EYS: variants seen among roughly 807,000 people sequenced by gnomAD.
EYS encodes the protein EGF-like photoreceptor maintenance factor, also known as protein eyes shut homolog.
Under a neutral mutation model 282.1 loss-of-function variants are expected in EYS, and 250 were observed. The ratio of observed to expected loss-of-function variants is 0.89; its 90% confidence interval spans 0.80 to 0.98. The LOEUF (loss-of-function observed/expected upper bound fraction) is 0.98. EYS is among the 50% of genes least tolerant of loss of function. The probability of loss-of-function intolerance (pLI) is 0.00; values close to 1 mark genes in which losing one functional copy is unlikely to be tolerated. For synonymous variants in EYS, 1,355 were observed against 1,282.9 expected, an observed-to-expected ratio of 1.06 and a Z score of -1.20; for missense variants, 4,016 against 3,709.0, an observed-to-expected ratio of 1.08 and a Z score of -2.15.
chr6:65,009,907 G>T (rs1174628601), intron 13 of EYS, among the ~76,000 whole-genome samples: 1 of 152,186 alleles, frequency 6.6e-6, no homozygotes, highest in East Asian at 1.9e-4. Context: ...CAACTAAGAG[G>T]TTCCTTGGCA....
At chr6:64,112,574 A>G (rs1234786069) in intron 31 of EYS, among the ~76,000 whole-genome samples, 2 of 151,794 alleles carry the variant, frequency 1.3e-5, no homozygotes, top group African/African-American at 4.8e-5. Context: ...CCTAACCACA[A>G]CATTATACAT....
intron 31 of EYS, among the ~76,000 whole-genome samples, chr6:64,102,091 C>T (rs1772849474): frequency 6.6e-6 from 1 of 152,130 alleles, no homozygotes; most frequent in African/African-American, 2.4e-5. Flanking sequence ...CCGCCGGTTC[C>T]TAACACTCCA....
At chr6:65,370,870 C>T (rs545484799) in intron 8 of EYS, among the ~76,000 whole-genome samples, 10 of 151,980 alleles carry the variant, frequency 6.6e-5, no homozygotes, top group African/African-American at 2.4e-4. Flanking sequence ...AAGTTAGTAC[C>T]ATATAAAGAA....
chr6:65,309,117 A>G (rs1221041559), intron 11 of EYS, among the ~76,000 whole-genome samples: 1 of 152,230 alleles, frequency 6.6e-6, no homozygotes, highest in Non-Finnish European at 1.5e-5. Context: ...TTCAACTGGT[A>G]ATCAAATACA....
intron 30 of EYS, among the ~76,000 whole-genome samples, chr6:64,298,855 C>T (rs1769130942): frequency 6.6e-6 from 1 of 152,090 alleles, no homozygotes; most frequent in South Asian, 2.1e-4. Context: ...ATATTATATG[C>T]AAATAGTAAC....
At chr6:64,857,535 T>G (rs1357948660) in intron 19 of EYS, among the ~76,000 whole-genome samples, 1 of 152,204 alleles carries the variant, frequency 6.6e-6, no homozygotes, top group African/African-American at 2.4e-5. Context: ...GAGTCCATAT[T>G]TTGTCTATCA....
chr6:64,296,583 TACATATATA>T (rs1769021759), intron 30 of EYS, among the ~76,000 whole-genome samples: 4 of 7,742 alleles, frequency 5.2e-4, no homozygotes, highest in African/African-American at 1.6e-3. Context: ...TATATATATA[TACATATATA>T]TATATATTTT....
intron 22 of EYS, among the ~76,000 whole-genome samples, chr6:64,663,177 C>A (rs1044940705): frequency 6.6e-6 from 1 of 151,986 alleles, no homozygotes; most frequent in African/African-American, 2.4e-5. Flanking sequence ...AACAATTTTG[C>A]TAAAAATTCA....
In EYS at chr6:64,852,458, T is replaced by A. The variant is rs1371850004; in HGVS notation, c.2993-29636A>T. Among the ~76,000 whole-genome samples, 6 of 152,274 alleles carry A rather than the reference T, an allele frequency of 3.9e-5. No homozygotes were observed. In the South Asian group the frequency reaches 1.0e-3, roughly 26 times the overall value. The stretch of plus-strand genomic sequence containing the variant: ...AGCTTTGGGACTCAGACTGACTTCC[T>A]TGCTCCTCAGCTTGCAGACAGCCTA... On this transcript the variant is annotated intron_variant, in intron 19 of 42. Coordinates refer to ENST00000503581, the MANE Select transcript of EYS (RefSeq NM_001142800.2).
intron 12 of EYS, among the ~76,000 whole-genome samples, chr6:65,221,424 A>G (rs563077145): frequency 6.6e-6 from 1 of 152,238 alleles, no homozygotes; most frequent in South Asian, 2.1e-4. Flanking sequence ...AAAGGGGGCA[A>G]CATAGAGCTC....
At position 65,335,214 on chromosome 6, in the gene EYS, C is replaced by G. The variant is rs1336613860; in HGVS notation, c.1600-68G>C. On this transcript the variant is annotated intron_variant, in intron 10 of 42. Transcript: ENST00000503581. Reference sequence around the variant, plus strand: ...CTTACTACAATATTACAATTGTGACCTGAGAGATCATGATAGATGCCTCTC... The same window carrying G: ...CTTACTACAATATTACAATTGTGACGTGAGAGATCATGATAGATGCCTCTC... 2.6e-6 allele frequency: 3 copies of G among 1,155,474 alleles called. No individual in the cohort carries two copies. In the African/African-American group the frequency reaches 4.6e-5, roughly 18 times the overall value. 71.6% of individuals were successfully genotyped at this position (1,155,474 alleles called of 1,614,324 possible). A position where few individuals can be genotyped will look rare whatever the true frequency, so the allele number is the denominator to read the frequency against.
intron 26 of EYS, among the ~76,000 whole-genome samples, chr6:64,551,165 T>C (rs1765066548): frequency 6.7e-6 from 1 of 149,592 alleles, no homozygotes; most frequent in African/African-American, 2.5e-5. Context: ...CATATATGTG[T>C]ATATACATAT....
Position 63,723,788 on chromosome 6 carries a change from CATTATTATTATTATTATTATTATTATT to C in EYS, c.8234-2018_8234-1992del, listed in dbSNP as rs57873412. ...GTTATGGGTCATAAGTACACATTGG[CATTATTATTATTATTATTATTATTATT>C]ATTATTATTATTATTATTATTTTGA... On this transcript the variant is annotated intron_variant, in intron 42 of 42. Transcript: ENST00000503581. Among the ~76,000 whole-genome samples the C allele has an allele frequency of 3.6e-4, 50 of 138,172 alleles. 2 individuals carry two copies. The highest frequency in any genetic ancestry group is 1.1e-3 in the African/African-American group (43 of 37,448). The allele number at this position is 138,172 out of a possible 152,430, so 90.6% of individuals were successfully genotyped here.
chr6:64,862,023 A>G (rs917821069), intron 19 of EYS, among the ~76,000 whole-genome samples: 2 of 152,340 alleles, frequency 1.3e-5, no homozygotes, highest in Admixed American at 1.3e-4. Flanking sequence ...TTATTTAAAG[A>G]AAGTCTTTAT....
chr6:63,813,963 A>T (rs117167792), intron 36 of EYS, among the ~76,000 whole-genome samples: 1 of 152,196 alleles, frequency 6.6e-6, no homozygotes, highest in African/African-American at 2.4e-5. Context: ...AAAATACAAG[A>T]TGATTGCTTG....
chr6:64,944,787 G>A (rs911427093), intron 15 of EYS, among the ~76,000 whole-genome samples: 1 of 152,092 alleles, frequency 6.6e-6, no homozygotes, highest in Non-Finnish European at 1.5e-5. Flanking sequence ...TGAGATCAGA[G>A]AAAAACCGCC....
chr6:64,947,785 G>C (rs9453118), intron 14 of EYS, among the ~76,000 whole-genome samples: 2 of 151,658 alleles, frequency 1.3e-5, no homozygotes, highest in African/African-American at 4.8e-5. Context: ...ATCAGCTGTG[G>C]TGAATGGGAG....
intron 19 of EYS, among the ~76,000 whole-genome samples, chr6:64,837,717 A>G (rs2812785): frequency 0.71 from 103,339 of 146,014 alleles, 36,972 homozygotes; most frequent in Admixed American, 0.76. Context: ...TAAAGAGTCC[A>G]CCAAAAAACT....
At position 64,133,842 on chromosome 6, in the gene EYS, CT is replaced by C. The variant is rs377218629; in HGVS notation, c.6425-51841del. 5.3e-3 allele frequency among the ~76,000 whole-genome samples: 780 copies of C among 146,776 alleles called. 10 individuals are homozygous for C. Among genetic ancestry groups the C allele is most frequent in the Admixed American group, 0.027 (398 of 14,540 alleles). On this transcript the variant is annotated intron_variant, in intron 31 of 42. Transcript: ENST00000503581. Reference sequence around the variant, plus strand: ...CTATTTTCCTGGATTCCATATCTTTCTTTTTTTTTTTCTTTCTCTTTCCTGA... The same window carrying C: ...CTATTTTCCTGGATTCCATATCTTTCTTTTTTTTTTCTTTCTCTTTCCTGA...
Sources: allele counts gnomAD v4.1 joint callset (sites outside exome capture counted in the v4.1 genomes callset), GRCh38; gene constraint gnomAD v4.1.1; transcripts MANE v1.5; gene names NCBI Gene and HGNC (gene_info 2026-07-23, HGNC 2026-07-21).